Variants in UBR4 observed in about 807,000 individuals in gnomAD.
The protein encoded by UBR4 is E3 ubiquitin-protein ligase UBR4.
UBR4 carries 124 observed loss-of-function variants against 575.6 expected under a neutral mutation model. That is an observed-to-expected ratio of 0.22 (90% CI 0.19 to 0.25). The LOEUF (loss-of-function observed/expected upper bound fraction) is 0.25, where lower values mean the gene tolerates loss of function less well. Among genes scored for constraint, UBR4 ranks in the 10% least tolerant of loss-of-function variants. The probability of loss-of-function intolerance (pLI) is 1.00; values close to 1 mark genes in which losing one functional copy is unlikely to be tolerated. For synonymous variants in UBR4, 2,455 were observed against 2,473.7 expected (o/e 0.99, Z 0.22); for missense variants, 4,818 against 6,478.8 (o/e 0.74, Z 8.80).
intron 55 of UBR4, among the ~76,000 whole-genome samples, chr1:19,143,069 GAC>G: frequency 6.6e-6 from 1 of 150,530 alleles, no homozygotes; most frequent in Non-Finnish European, 1.5e-5. Flanking sequence ...TAGCCTTGGT[GAC>G]ACAGTGAGAC....
At position 19,110,613 on chromosome 1, in the gene UBR4, A is replaced by G; in HGVS notation, c.11892+129T>C. On this transcript the variant is annotated intron_variant, in intron 79 of 105. Coordinates refer to ENST00000375254, the MANE Select transcript of UBR4 (RefSeq NM_020765.3). This position sits in a 1 kb window ranked among gnomAD's most constrained non-coding sequence, Gnocchi z 4.5. The stretch of plus-strand genomic sequence containing the variant: ...TGTGCTCCAGGCTCTTCCCTGGGAA[A>G]ACCATTCTGGGGTAATGTTCTGCTC... 7.2e-7 allele frequency: 1 copy of G among 1,383,886 alleles called. No individual in the cohort carries two copies. Among genetic ancestry groups the G allele is most frequent in the Non-Finnish European group, 1.0e-6 (1 of 979,818 alleles). 85.7% of individuals were successfully genotyped at this position (1,383,886 alleles called of 1,614,324 possible).
chr1:19,114,146 C>T (rs111325976), intron 75 of UBR4, 76 bp from the exon 76 acceptor site: 15 of 1,550,168 alleles, frequency 9.7e-6, no homozygotes, highest in African/African-American at 6.8e-5. Flanking sequence ...CACTGCTAAC[C>T]ATTTACCAGA....
intron 44 of UBR4, 63 bp from the exon 45 acceptor site, chr1:19,154,002 A>T: frequency 6.4e-7 from 1 of 1,558,016 alleles, no homozygotes; most frequent in Non-Finnish European, 8.7e-7. Flanking sequence ...TCTTTTCTTG[A>T]CCTAAAAACC....
At chr1:19,136,016 A>T (rs2083162303) in intron 60 of UBR4, among the ~76,000 whole-genome samples, 1 of 152,214 alleles carries the variant, frequency 6.6e-6, no homozygotes, top group South Asian at 2.1e-4. Context: ...GGAAATAACA[A>T]AAGCGAGGAA....
chr1:19,107,617 G>A (rs990748602), intron 81 of UBR4, among the ~76,000 whole-genome samples: 12 of 151,838 alleles, frequency 7.9e-5, no homozygotes, highest in African/African-American at 2.7e-4. Flanking sequence ...ACTCCATTTC[G>A]ATACAAAATA....
In UBR4 at chr1:19,160,185, T is replaced by C; in HGVS notation, c.5503A>G (p.Ser1835Gly). ...CTGAGGGCTTGCTGAGCACGGCTGC[T>C]GCTCCCGACGGCTGAAGCTTGCTGG... is the stretch of plus-strand genomic sequence containing the variant. ...NFQQASAVGS[S>G]SRAQQALSEL... Residue 1835 changes from serine to glycine, a missense_variant, in exon 39 of 106, where the codon AGC (serine) becomes GGC (glycine). Physicochemically the swap from Ser to Gly is moderately conservative, Grantham distance 56. Transcript: ENST00000375254. The C allele has an allele frequency of 6.2e-7, 1 of 1,614,058 alleles. No homozygotes were observed. The highest frequency in any genetic ancestry group is 8.5e-7 in the Non-Finnish European group (1 of 1,180,020).
chr1:19,148,992 T>A (rs976196330), intron 49 of UBR4, among the ~76,000 whole-genome samples: 5 of 152,190 alleles, frequency 3.3e-5, no homozygotes, highest in African/African-American at 1.2e-4. Context: ...CAGAGATCAG[T>A]GGGCAAAAGG....
chr1:19,103,914 T>A (rs1316163617), intron 87 of UBR4, among the ~76,000 whole-genome samples, 170 bp downstream of exon 87: 1 of 152,248 alleles, frequency 6.6e-6, no homozygotes, highest in South Asian at 2.1e-4. Flanking sequence ...CTCTAGAATT[T>A]AAAATTCCAA....
intron 87 of UBR4, among the ~76,000 whole-genome samples, chr1:19,102,027 T>TAA (rs1193865760): frequency 1.3e-5 from 2 of 152,240 alleles, no homozygotes; most frequent in Admixed American, 6.5e-5. Context: ...AAGTTACAGT[T>TAA]AGTTTTTAGC....
intron 67 of UBR4, 140 bp downstream of exon 67, chr1:19,121,794 C>T (rs2081207630): frequency 4.7e-6 from 5 of 1,074,532 alleles, no homozygotes; most frequent in Non-Finnish European, 6.7e-6. Flanking sequence ...TACTTGTCTT[C>T]TTTGCTAGAC....
At chr1:19,133,526 G>A (rs541066079) in intron 60 of UBR4, among the ~76,000 whole-genome samples, 29 of 152,248 alleles carry the variant, frequency 1.9e-4, no homozygotes, top group Non-Finnish European at 2.9e-4. Flanking sequence ...TTGTACAAGA[G>A]GTCTTAGCCA....
chr1:19,208,466 C>CCA (rs2093127027), intron 1 of UBR4, among the ~76,000 whole-genome samples: 12 of 76,904 alleles, frequency 1.6e-4, no homozygotes, highest in Non-Finnish European at 2.6e-4. Context: ...GAATCCATCT[C>CCA]AAAAAAAAAA....
At position 19,100,770 on chromosome 1, in the gene UBR4, C is replaced by A. The variant is rs2078540601; in HGVS notation, c.13024-197G>T. ...AACTCAAGTAGACTAAAATATCAAG[C>A]ATCTACCCTGAAACCCCAGGGTGGA... On this transcript the variant is annotated intron_variant, in intron 88 of 105. Transcript: ENST00000375254. This position sits in a 1 kb window ranked among gnomAD's most constrained non-coding sequence, Gnocchi z 4.2. Among the ~76,000 whole-genome samples, 1 of 151,946 alleles carries A rather than the reference C, an allele frequency of 6.6e-6. No individual in the cohort carries two copies. Among genetic ancestry groups the A allele is most frequent in the South Asian group, 2.1e-4 (1 of 4,814 alleles).
chr1:19,114,712 A>C lies in UBR4; in HGVS notation c.11202+99T>G, dbSNP rs1570650959. The stretch of plus-strand genomic sequence containing the variant: ...CCTGAAACTGGTGTTGAGTCGAAGA[A>C]GGCTTAGGCTAGAAAGTAAAGTGCA... On this transcript the variant is annotated intron_variant, in intron 75 of 105. Coordinates refer to ENST00000375254, the MANE Select transcript of UBR4 (RefSeq NM_020765.3). 3.4e-6 allele frequency: 5 copies of C among 1,481,864 alleles called. No homozygotes were observed. The East Asian group carries it at 9.1e-5, about 27-fold the overall frequency. The allele number at this position is 1,481,864 out of a possible 1,614,324, so 91.8% of individuals were successfully genotyped here. A position where few individuals can be genotyped will look rare whatever the true frequency, so the allele number is the denominator to read the frequency against.
intron 25 of UBR4, among the ~76,000 whole-genome samples, chr1:19,172,647 T>G (rs981696275): frequency 1.3e-5 from 2 of 152,138 alleles, no homozygotes. Context: ...TACAAAATAT[T>G]TAAAGAATTA....
chr1:19,184,069 T>A lies in UBR4; in HGVS notation c.2045A>T (p.His682Leu). Reference protein sequence around the residue: ...NYLSVSLSEHHMATLASIIKE... With the variant: ...NYLSVSLSEHLMATLASIIKE... ...GATGATACTGGCTAGGGTGGCCATATGGTGTTCTGAAAGAGATACACTCAG... is the reference window on the plus strand; with the variant it reads ...GATGATACTGGCTAGGGTGGCCATAAGGTGTTCTGAAAGAGATACACTCAG... Residue 682 changes from histidine (H) to leucine (L), a missense_variant, in exon 16 of 106, where the codon CAT becomes CTT. Around this residue, in one of 29 missense-constraint regions of UBR4, gnomAD observed 1,172 missense variants for 1,259.7 expected, o/e 0.93. Coordinates refer to ENST00000375254, the MANE Select transcript of UBR4 (RefSeq NM_020765.3). The A allele has an allele frequency of 6.2e-7, 1 of 1,614,190 alleles. No individual in the cohort carries two copies. The highest frequency in any genetic ancestry group is 8.5e-7 in the Non-Finnish European group (1 of 1,180,024).
Position 19,123,040 on chromosome 1 carries a change from A to G in UBR4, c.9609T>C (p.Thr3203=). 2 of 1,614,208 alleles carry G rather than the reference A, an allele frequency of 1.2e-6. No individual in the cohort carries two copies. The highest frequency in any genetic ancestry group is 1.7e-6 in the Non-Finnish European group (2 of 1,180,020). The change falls in exon 66 of 106, where the codon ACT becomes ACC. Residue 3203 remains threonine (T), a synonymous_variant. Coordinates refer to ENST00000375254, the MANE Select transcript of UBR4 (RefSeq NM_020765.3). ...FLSEYLMIQQ[T]PFVRRQVRKL... ...TGCGGACTTGACGGCGCACAAATGG[A>G]GTCTGCTGGATCATGAGGTACTTGA...
chr1:19,199,233 C>T (rs1011176193), intron 3 of UBR4, among the ~76,000 whole-genome samples: 19 of 152,166 alleles, frequency 1.2e-4, no homozygotes, highest in African/African-American at 3.4e-4. Flanking sequence ...CAGTAATAAC[C>T]CAGAGCCAAA....
intron 1 of UBR4, among the ~76,000 whole-genome samples, chr1:19,207,107 G>T (rs1289802711): frequency 6.6e-6 from 1 of 152,166 alleles, no homozygotes; most frequent in Non-Finnish European, 1.5e-5. Flanking sequence ...CGGTGACAAG[G>T]AAGAAAAACA....
Sources: allele counts gnomAD v4.1 joint callset (sites outside exome capture counted in the v4.1 genomes callset), GRCh38; gene constraint gnomAD v4.1.1; regional missense constraint gnomAD v4.1.1; non-coding constraint Gnocchi (gnomAD v3.1); transcripts MANE v1.5; gene names NCBI Gene and HGNC (gene_info 2026-07-23, HGNC 2026-07-21).